Variants in SLC9A7 observed in about 807,000 individuals in gnomAD.
SLC9A7 encodes sodium/hydrogen exchanger 7.
A neutral mutation model predicts 52.6 loss-of-function variants in SLC9A7; 19 were observed. The observed-to-expected ratio is 0.36, with a 90% CI of 0.25 to 0.53. SLC9A7 has a LOEUF of 0.53. Among genes scored for constraint, SLC9A7 ranks in the 20% least tolerant of loss-of-function variants. The pLI, the probability that SLC9A7 is intolerant of heterozygous loss-of-function variation, is 0.91. For synonymous variants in SLC9A7, 226 were observed against 252.1 expected, an observed-to-expected ratio of 0.90 and a Z score of 0.98; for missense variants, 455 against 597.9, an observed-to-expected ratio of 0.76 and a Z score of 2.49.
intron 5 of SLC9A7, among the ~76,000 whole-genome samples, chrX:46,667,895 T>G (rs1376252795): frequency 1.8e-5 from 2 of 112,080 alleles, no homozygotes. Flanking sequence ...AGAACTTTTT[T>G]GTTTGTTTTG....
chrX:46,623,079 G>A (rs963747577), intron 14 of SLC9A7, among the ~76,000 whole-genome samples: 5 of 112,187 alleles, frequency 4.5e-5, no homozygotes, highest in Non-Finnish European at 9.4e-5. Context: ...ATCCACATAT[G>A]GTGGCTTTGG....
At chrX:46,625,745 G>A (rs1360849772) in intron 14 of SLC9A7, among the ~76,000 whole-genome samples, 1 of 109,427 alleles carries the variant, frequency 9.1e-6, no homozygotes, top group Non-Finnish European at 1.9e-5. Context: ...GGACATGGAG[G>A]GCAAAAGAGT....
At chrX:46,625,820 G>C (rs750395150) in intron 14 of SLC9A7, among the ~76,000 whole-genome samples, 2 of 111,348 alleles carry the variant, frequency 1.8e-5, no homozygotes, top group Non-Finnish European at 3.8e-5. Flanking sequence ...CCCCACTGTT[G>C]CTGGCTTTGC....
intron 7 of SLC9A7, among the ~76,000 whole-genome samples, chrX:46,655,035 A>AGT (rs1472540132): frequency 3.3e-5 from 3 of 91,138 alleles, no homozygotes; most frequent in Non-Finnish European, 6.2e-5. Flanking sequence ...CCCAAGCTGG[A>AGT]GTGCAATGGC....
intron 16 of SLC9A7, among the ~76,000 whole-genome samples, chrX:46,611,081 A>G (rs1464249019): frequency 9.0e-6 from 1 of 111,473 alleles, no homozygotes; most frequent in East Asian, 2.8e-4. Flanking sequence ...TAGTGGGAGA[A>G]GTGGAAATGC....
chrX:46,680,347 T>C (rs1461165759), intron 2 of SLC9A7, among the ~76,000 whole-genome samples: 1 of 94,305 alleles, frequency 1.1e-5, no homozygotes, highest in Non-Finnish European at 2.1e-5. Context: ...AGACTCCATC[T>C]CAAAAAAAAA....
At chrX:46,672,689 G>GT in intron 3 of SLC9A7, 62 bp from the exon 4 acceptor site, 1 of 851,501 alleles carries the variant, frequency 1.2e-6, no homozygotes, top group African/African-American at 2.0e-5. Context: ...ATGAGCTTAA[G>GT]AAACACATTA....
intron 1 of SLC9A7, among the ~76,000 whole-genome samples, chrX:46,726,847 G>GT (rs1397657448): frequency 9.0e-6 from 1 of 111,130 alleles, no homozygotes; most frequent in Non-Finnish European, 1.9e-5. Flanking sequence ...TAGGCAAGAT[G>GT]TTTGCGGATT....
intron 8 of SLC9A7, among the ~76,000 whole-genome samples, chrX:46,651,700 G>A (rs1397384190): frequency 9.2e-6 from 1 of 109,196 alleles, no homozygotes; most frequent in African/African-American, 3.3e-5. Flanking sequence ...GTGGTGGCGT[G>A]GGCCTGTGGC....
At position 46,735,950 on chromosome X, in the gene SLC9A7, T is replaced by G. The variant is rs182967961; in HGVS notation, c.325+22755A>C. Among the ~76,000 whole-genome samples, 5 of 111,798 alleles carry G rather than the reference T, an allele frequency of 4.5e-5. No individual in the cohort carries two copies. The Admixed American group carries it at 4.8e-4, about 11-fold the overall frequency. ...TCTTTAGTTTTAAGCAGTTCAAATG[T>G]GATATGCCTGGGTATCTGTTTATTG... On this transcript the variant is annotated intron_variant, in intron 1 of 16. Coordinates refer to ENST00000616978, the MANE Select transcript of SLC9A7 (RefSeq NM_001257291.2).
At chrX:46,689,303 G>A (rs1206770180) in intron 1 of SLC9A7, among the ~76,000 whole-genome samples, 6 of 112,254 alleles carry the variant, frequency 5.3e-5, no homozygotes, top group African/African-American at 1.3e-4. Flanking sequence ...CTCACTCAGC[G>A]TAACACCTTT....
intron 12 of SLC9A7, among the ~76,000 whole-genome samples, chrX:46,637,859 A>G (rs1943346372): frequency 8.9e-6 from 1 of 112,957 alleles, no homozygotes; most frequent in African/African-American, 3.2e-5. Context: ...GTAAAAAGAT[A>G]AATTGGATTT....
At chrX:46,719,967 A>C (rs911836627) in intron 1 of SLC9A7, among the ~76,000 whole-genome samples, 3 of 111,767 alleles carry the variant, frequency 2.7e-5, no homozygotes, top group Non-Finnish European at 5.6e-5. Flanking sequence ...ACTAGTAAGT[A>C]ATATATTCCT....
chrX:46,639,369 C>T (rs2146747283), intron 12 of SLC9A7, among the ~76,000 whole-genome samples: 1 of 107,136 alleles, frequency 9.3e-6, no homozygotes, highest in African/African-American at 3.4e-5. Flanking sequence ...GCAAGTTCTG[C>T]CTCCTGGGTT....
At chrX:46,642,354 CCAAG>C (rs1216124860) in intron 12 of SLC9A7, among the ~76,000 whole-genome samples, 52 of 112,709 alleles carry the variant, frequency 4.6e-4, no homozygotes, top group African/African-American at 1.6e-3. Context: ...TTTGCACTAC[CCAAG>C]TGTCTTCTTG....
At position 46,607,246 on chromosome X, in the gene SLC9A7, A is replaced by T. The variant is rs184463162; in HGVS notation, c.1930-43T>A. The stretch of plus-strand genomic sequence containing the variant: ...CAACAACAACAAAAATGAGAGACTG[A>T]TATCTTCCAGGTTTGGCACCAACCC... On this transcript the variant is annotated intron_variant, in intron 16 of 16. Coordinates refer to ENST00000616978, the MANE Select transcript of SLC9A7 (RefSeq NM_001257291.2). The T allele has an allele frequency of 5.9e-6, 7 of 1,184,679 alleles. 1 individual carries two copies. In the Admixed American group the frequency reaches 1.6e-4, roughly 27 times the overall value.
chrX:46,651,832 GAAAAAAA>G (rs1211578593), intron 8 of SLC9A7, among the ~76,000 whole-genome samples: 5 of 44,411 alleles, frequency 1.1e-4, no homozygotes, highest in East Asian at 6.5e-4. Flanking sequence ...TTTCTCAAAA[GAAAAAAA>G]AAAAAAAAGA....
chrX:46,710,087 A>C (rs1289734346), intron 1 of SLC9A7, among the ~76,000 whole-genome samples: 1 of 112,355 alleles, frequency 8.9e-6, no homozygotes, highest in African/African-American at 3.2e-5. Context: ...TATCTTGTCC[A>C]ACAACTACTT....
intron 16 of SLC9A7, among the ~76,000 whole-genome samples, 186 bp from the exon 17 acceptor site, chrX:46,607,389 A>G (rs984288578): frequency 9.0e-6 from 1 of 111,385 alleles, no homozygotes; most frequent in South Asian, 3.8e-4. Flanking sequence ...TGCCAGGACT[A>G]GGACTTAGAA....
Sources: gnomAD v4.1 joint callset for allele counts (sites outside exome capture counted in the v4.1 genomes callset) on GRCh38, gnomAD v4.1.1 for gene constraint, MANE v1.5 for transcripts, NCBI Gene and HGNC (gene_info 2026-07-23, HGNC 2026-07-21) for gene names.